The following NCOR2 variants were observed in gnomAD, a reference collection of about 807,000 sequenced individuals.
NCOR2 encodes the protein CTG repeat protein 26.
A neutral mutation model predicts 262.9 loss-of-function variants in NCOR2; 81 were observed. That is an observed-to-expected ratio of 0.31 (90% CI 0.26 to 0.37). The LOEUF (loss-of-function observed/expected upper bound fraction) is 0.37, where lower values mean the gene tolerates loss of function less well. Among genes scored for constraint, NCOR2 ranks in the 10% least tolerant of loss-of-function variants. NCOR2 has a pLI of 1.00. For synonymous variants in NCOR2, 1,659 were observed against 1,559.3 expected (o/e 1.06, Z -1.51); for missense variants, 3,385 against 3,621.4 (o/e 0.93, Z 1.68).
At chr12:124,348,698 G>A (rs1244062) in intron 28 of NCOR2, 247,394 of 253,666 alleles carry the variant, frequency 0.98, 120,959 homozygotes, top group East Asian at 1. Context: ...ACGTGAGCAA[G>A]GACGCATCAG....
intron 2 of NCOR2, among the ~76,000 whole-genome samples, chr12:124,486,223 A>T (rs1487730581): frequency 6.6e-6 from 1 of 152,168 alleles, no homozygotes; most frequent in Non-Finnish European, 1.5e-5. Flanking sequence ...GAGGCCACTG[A>T]AGTTCCACGC....
rs373356831 is a variant in NCOR2, at chr12:124,466,124, G to A, written c.705+49C>T. On this transcript the variant is annotated intron_variant, in intron 5 of 46. Transcript: ENST00000405201. Reference sequence around the variant, plus strand: ...TGATTCATGGTGCCCCCTGTGAAGCGCCTCATGGCCAGCACCGGGGGGCAG... The same window carrying A: ...TGATTCATGGTGCCCCCTGTGAAGCACCTCATGGCCAGCACCGGGGGGCAG... 118 of 1,527,272 alleles carry A rather than the reference G, an allele frequency of 7.7e-5. No homozygotes were observed. In the African/African-American group the frequency reaches 1.2e-3, roughly 15 times the overall value. 94.6% of individuals were successfully genotyped at this position (1,527,272 alleles called of 1,614,324 possible). A position where few individuals can be genotyped will look rare whatever the true frequency, so the allele number is the denominator to read the frequency against.
intron 3 of NCOR2, among the ~76,000 whole-genome samples, chr12:124,477,677 C>T (rs2047179660): frequency 6.6e-6 from 1 of 152,240 alleles, no homozygotes; most frequent in African/African-American, 2.4e-5. Flanking sequence ...AAGAGCGCTT[C>T]CCCTGGTGCT....
intron 5 of NCOR2, among the ~76,000 whole-genome samples, chr12:124,464,741 G>A (rs1032553398): frequency 4.3e-4 from 66 of 152,234 alleles, no homozygotes; most frequent in South Asian, 4.2e-4. Flanking sequence ...TGATGCCGTC[G>A]TTGTCATTGT....
intron 6 of NCOR2, among the ~76,000 whole-genome samples, chr12:124,453,043 C>T (rs2045642247): frequency 6.6e-6 from 1 of 152,140 alleles, no homozygotes. Context: ...AGGCTGAGGA[C>T]AGCCATCTTG....
At chr12:124,419,055 C>G (rs1215880659) in intron 13 of NCOR2, among the ~76,000 whole-genome samples, 1 of 152,150 alleles carries the variant, frequency 6.6e-6, no homozygotes, top group Non-Finnish European at 1.5e-5. Flanking sequence ...GTGTGGTGCT[C>G]CCAGCATCTG....
chr12:124,407,306 T>C (rs1386572690), intron 13 of NCOR2, among the ~76,000 whole-genome samples: 1 of 152,222 alleles, frequency 6.6e-6, no homozygotes, highest in South Asian at 2.1e-4. Context: ...ACATTCATGA[T>C]GCAGATGAGG....
chr12:124,361,866 C>G lies in NCOR2; in HGVS notation c.3100+260G>C, dbSNP rs967253694. ...ATTTCTGGCTTTGCTGGAAGAACCA[C>G]CCCAGGCCTGATTTGCCACGGGGTG... On this transcript the variant is annotated intron_variant, in intron 22 of 46. Coordinates refer to ENST00000405201, the Ensembl canonical transcript of NCOR2. Among the ~76,000 whole-genome samples, 61 of 152,386 alleles carry G rather than the reference C, an allele frequency of 4.0e-4. 1 individual carries two copies. The Middle Eastern group carries it at 0.01, about 25-fold the overall frequency.
At chr12:124,346,838 G>A (rs1418778916) in exon 31 of NCOR2, 1 of 1,576,960 alleles carries the variant, frequency 6.3e-7, no homozygotes, top group South Asian at 1.2e-5. Flanking sequence ...CTCCACGTAG[G>A]ACCGAGGGAT....
chr12:124,429,744 G>A (rs771520122), intron 9 of NCOR2, 38 bp from the exon 12 acceptor site: 2 of 1,541,916 alleles, frequency 1.3e-6, no homozygotes, highest in Non-Finnish European at 8.8e-7. Context: ...CCGGTCTTCT[G>A]GTGGTCGGGG....
At chr12:124,491,749 T>C (rs1423228567) in intron 1 of NCOR2, among the ~76,000 whole-genome samples, 2 of 152,116 alleles carry the variant, frequency 1.3e-5, no homozygotes, top group South Asian at 2.1e-4. Context: ...GAGGCGTTGA[T>C]CTCCGGGAAA....
At chr12:124,380,739 C>A (rs1360871087) in intron 17 of NCOR2, among the ~76,000 whole-genome samples, 1 of 151,964 alleles carries the variant, frequency 6.6e-6, no homozygotes, top group African/African-American at 2.4e-5. Flanking sequence ...CTCCTGTCGG[C>A]CTGGTGGTGG....
In NCOR2 at chr12:124,402,568, G is replaced by A. The variant is rs1299702857; in HGVS notation, c.1483-7C>T. On this transcript the variant is annotated splice_polypyrimidine_tract_variant and splice_region_variant and intron_variant, in intron 13 of 46. Transcript: ENST00000405201. Reference sequence around the variant, plus strand: ...GCTGCTGTTGTTGCTGCTGCTGTCAGACCCCGGGGGAGGGCAGAGGGGAGT... The same window carrying A: ...GCTGCTGTTGTTGCTGCTGCTGTCAAACCCCGGGGGAGGGCAGAGGGGAGT... 2.2e-5 allele frequency: 34 copies of A among 1,548,818 alleles called. No homozygotes were observed. The highest frequency in any genetic ancestry group is 3.0e-5 in the Non-Finnish European group (34 of 1,145,210).
intron 12 of NCOR2, among the ~76,000 whole-genome samples, chr12:124,420,663 A>G (rs1379080620): frequency 2.0e-5 from 3 of 152,204 alleles, no homozygotes; most frequent in Admixed American, 6.5e-5. Context: ...CCAGCCCTCC[A>G]TGAACCCCGG....
At chr12:124,458,327 G>A (rs977314645) in intron 5 of NCOR2, among the ~76,000 whole-genome samples, 12 of 152,300 alleles carry the variant, frequency 7.9e-5, no homozygotes, top group Admixed American at 7.8e-4. Flanking sequence ...GAGAGAGGAG[G>A]GCGTGGCAGG....
intron 13 of NCOR2, among the ~76,000 whole-genome samples, chr12:124,417,024 A>G (rs1164615076): frequency 6.6e-6 from 1 of 151,548 alleles, no homozygotes; most frequent in Non-Finnish European, 1.5e-5. Context: ...CGCCCAGAGC[A>G]AGCCGGACAC....
chr12:124,526,650 C>T (rs999002610), intron 1 of NCOR2, among the ~76,000 whole-genome samples: 8 of 152,194 alleles, frequency 5.3e-5, no homozygotes, highest in Non-Finnish European at 1.2e-4. Flanking sequence ...GGTCTCCTCT[C>T]CCCCGCGGAC....
At chr12:124,541,383 G>GGA (rs570475195) in intron 1 of NCOR2, among the ~76,000 whole-genome samples, 24 of 19,226 alleles carry the variant, frequency 1.2e-3, no homozygotes, top group Non-Finnish European at 2.1e-3. Context: ...GATGGGAAGT[G>GGA]GAGAGCTGGA....
At chr12:124,476,687 C>T (rs911765827) in intron 3 of NCOR2, among the ~76,000 whole-genome samples, 3 of 152,140 alleles carry the variant, frequency 2.0e-5, no homozygotes, top group Non-Finnish European at 4.4e-5. Context: ...GGATAAAAGC[C>T]GTTGTCTTTA....
Sources: allele counts gnomAD v4.1 joint callset (sites outside exome capture counted in the v4.1 genomes callset), GRCh38; gene constraint gnomAD v4.1.1; transcripts MANE v1.5; gene names NCBI Gene and HGNC (gene_info 2026-07-23, HGNC 2026-07-21).